Variants in CERT1 observed in about 807,000 individuals in gnomAD.
CERT1 encodes ceramide transporter 1, also known as ceramide transfer protein.
In CERT1, 31 loss-of-function variants were observed where a neutral mutation model predicts 87.9. The ratio of observed to expected loss-of-function variants is 0.35; its 90% CI spans 0.27 to 0.48. The LOEUF is 0.48. CERT1 is among the 20% of genes least tolerant of loss of function. CERT1 has a pLI of 0.99. For missense variants in CERT1, 487 were observed against 758.0 expected, an observed-to-expected ratio of 0.64 and a Z score of 4.20; for synonymous variants, 289 against 250.9, an observed-to-expected ratio of 1.15 and a Z score of -1.44.
At chr5:75,457,288 T>G (rs1228890525) in intron 3 of CERT1, among the ~76,000 whole-genome samples, 1 of 152,174 alleles carries the variant, frequency 6.6e-6, no homozygotes, top group African/African-American at 2.4e-5. Context: ...GTAAGTAACT[T>G]TGCATATTAT....
intron 2 of CERT1, among the ~76,000 whole-genome samples, chr5:75,473,732 T>C (rs1765819961): frequency 6.6e-6 from 1 of 152,214 alleles, no homozygotes; most frequent in Non-Finnish European, 1.5e-5. Flanking sequence ...ATGCTCAGTA[T>C]TCTCACTGCA....
At position 75,486,861 on chromosome 5, in the gene CERT1, T is replaced by C. The variant is rs553266900; in HGVS notation, c.231+19121A>G. Among the ~76,000 whole-genome samples, 4 of 152,234 alleles carry C rather than the reference T, an allele frequency of 2.6e-5. No homozygotes were observed. The South Asian group carries it at 8.3e-4, about 32-fold the overall frequency. ...CACAAAACAACGGAAAGATATCACA[T>C]ATTCATGGACTGGAAGAATCAATAT... On this transcript the variant is annotated intron_variant, in intron 2 of 16. Transcript: ENST00000643780.
chr5:75,396,500 G>A (rs1762260026), intron 11 of CERT1, among the ~76,000 whole-genome samples: 1 of 152,036 alleles, frequency 6.6e-6, no homozygotes, highest in Non-Finnish European at 1.5e-5. Flanking sequence ...GCCGAGGCGG[G>A]CAGATCACCT....
At chr5:75,499,538 G>A (rs549270992) in intron 2 of CERT1, among the ~76,000 whole-genome samples, 2 of 152,222 alleles carry the variant, frequency 1.3e-5, no homozygotes, top group South Asian at 4.1e-4. Flanking sequence ...GGCCTCCCCA[G>A]CCATGCAGAA....
rs1763155669 is a variant in CERT1 at position 75,416,913 on chromosome 5, A to G, written c.800T>C (p.Val267Ala). The change falls in exon 7 of 17, where the codon GTT becomes GCT. Residue 267 changes from valine (V) to alanine (A), a missense_variant. This residue lies in a region of CERT1 where 13 missense variants were observed against 29.2 expected (regional missense o/e 0.45). Transcript: ENST00000643780. ...ATLSHCIELM[V>A]KREDSWQKRL... ...CTTCTGCCAGCTGTCCTCACGTTTAACCATTAGTTCAATACAATGAGAAAG... is the reference window on the plus strand; with the variant it reads ...CTTCTGCCAGCTGTCCTCACGTTTAGCCATTAGTTCAATACAATGAGAAAG... The G allele has an allele frequency of 6.2e-7, 1 of 1,612,634 alleles. No homozygotes were observed. The highest frequency in any genetic ancestry group is 1.3e-5 in the African/African-American group (1 of 74,978).
At chr5:75,374,322 A>T (rs772049390), downstream of CERT1, 1 of 501,354 alleles carries the variant, frequency 2.0e-6, no homozygotes. Context: ...ATCTCTATTA[A>T]AATTTATCAT....
At chr5:75,388,599 C>CATATATAT (rs59799780) in intron 12 of CERT1, among the ~76,000 whole-genome samples, 993 of 91,466 alleles carry the variant, frequency 0.011, 12 homozygotes, top group Admixed American at 0.016. Flanking sequence ...AGCATGCATG[C>CATATATAT]ATATATATAT....
intron 3 of CERT1, among the ~76,000 whole-genome samples, chr5:75,432,888 A>C (rs1395843366): frequency 2.6e-5 from 4 of 152,102 alleles, no homozygotes; most frequent in African/African-American, 9.7e-5. Flanking sequence ...GGTGAGAGGA[A>C]GGCATCCAGT....
chr5:75,466,863 T>C (rs1327623795), intron 2 of CERT1, among the ~76,000 whole-genome samples: 1 of 152,238 alleles, frequency 6.6e-6, no homozygotes, highest in Non-Finnish European at 1.5e-5. Flanking sequence ...TTTTCTTTTA[T>C]TCTTTCACTT....
At chr5:75,488,152 T>G (rs1020969112) in intron 2 of CERT1, among the ~76,000 whole-genome samples, 1 of 151,912 alleles carries the variant, frequency 6.6e-6, no homozygotes, top group African/African-American at 2.4e-5. Context: ...CATAACACAG[T>G]GACTAGAGTG....
intron 14 of CERT1, among the ~76,000 whole-genome samples, chr5:75,382,869 G>T (rs1469986665): frequency 6.6e-6 from 1 of 151,826 alleles, no homozygotes; most frequent in Non-Finnish European, 1.5e-5. Flanking sequence ...TAAATTGTGT[G>T]GAGACAGTAA....
At chr5:75,424,391 C>T (rs1763512981) in intron 5 of CERT1, among the ~76,000 whole-genome samples, 1 of 151,604 alleles carries the variant, frequency 6.6e-6, no homozygotes, top group African/African-American at 2.4e-5. Flanking sequence ...ACCATCCTGG[C>T]CAAAACCCCG....
At chr5:75,437,742 G>T (rs1764154344) in intron 3 of CERT1, among the ~76,000 whole-genome samples, 1 of 148,806 alleles carries the variant, frequency 6.7e-6, no homozygotes, top group South Asian at 2.1e-4. Flanking sequence ...CTCCAGCCTG[G>T]GCAACAGAGT....
intron 2 of CERT1, among the ~76,000 whole-genome samples, chr5:75,479,966 T>C (rs565398949): frequency 6.6e-6 from 1 of 152,340 alleles, no homozygotes; most frequent in South Asian, 2.1e-4. Context: ...GTTTTTTGAC[T>C]TTTTAATAAT....
chr5:75,369,910 A>C (rs553807254), intron 17 of CERT1: 1 of 152,350 alleles, frequency 6.6e-6, no homozygotes, highest in Non-Finnish European at 1.5e-5. Context: ...GTGTCTTAAA[A>C]GGTAGACAAT....
chr5:75,478,909 TAAAA>T (rs11438163), intron 2 of CERT1, among the ~76,000 whole-genome samples: 52 of 21,746 alleles, frequency 2.4e-3, no homozygotes, highest in East Asian at 7.1e-3. Context: ...AAGTAAGTAC[TAAAA>T]AAAAAAAAAA....
intron 8 of CERT1, among the ~76,000 whole-genome samples, chr5:75,406,304 T>C (rs1361072162): frequency 6.6e-6 from 1 of 152,236 alleles, no homozygotes; most frequent in Non-Finnish European, 1.5e-5. Context: ...ATTTACTCAT[T>C]CTTAAGGTTT....
At chr5:75,437,076 G>A (rs1764127842) in intron 3 of CERT1, among the ~76,000 whole-genome samples, 2 of 152,188 alleles carry the variant, frequency 1.3e-5, no homozygotes, top group Non-Finnish European at 2.9e-5. Context: ...AGGAGCCACT[G>A]TAACTGGCCC....
intron 2 of CERT1, among the ~76,000 whole-genome samples, chr5:75,482,439 G>A (rs968452070): frequency 6.6e-6 from 1 of 152,208 alleles, no homozygotes; most frequent in Non-Finnish European, 1.5e-5. Context: ...CCCGGCCCAG[G>A]GGGTAGCTTG....
Sources: gnomAD v4.1 joint callset for allele counts (sites outside exome capture counted in the v4.1 genomes callset) on GRCh38, gnomAD v4.1.1 for gene constraint, gnomAD v4.1.1 regional missense constraint, MANE v1.5 for transcripts, NCBI Gene and HGNC (gene_info 2026-07-23, HGNC 2026-07-21) for gene names.